Variants in SH3KBP1 observed in about 807,000 individuals in gnomAD.
SH3KBP1 encodes SH3 domain-containing kinase-binding protein 1.
A neutral mutation model predicts 50.1 loss-of-function variants in SH3KBP1; 8 were observed. The observed-to-expected ratio is 0.16, with a 90% CI of 0.09 to 0.29. SH3KBP1 has a LOEUF of 0.29. Ranked by LOEUF, SH3KBP1 falls within the 10% of genes least tolerant of loss-of-function variation. The pLI, the probability that SH3KBP1 is intolerant of heterozygous loss-of-function variation, is 1.00. For synonymous variants in SH3KBP1, 227 were observed against 218.6 expected (o/e 1.04, Z -0.34); for missense variants, 377 against 535.2 (o/e 0.70, Z 2.92).
At chrX:19,781,515 G>A (rs951971614) in intron 2 of SH3KBP1, among the ~76,000 whole-genome samples, 17 of 109,058 alleles carry the variant, frequency 1.6e-4, no homozygotes, top group African/African-American at 5.7e-4. Flanking sequence ...CTGCTCAGAA[G>A]GCTGAGGTGG....
chrX:19,876,747 T>G (rs1379063647), intron 1 of SH3KBP1, among the ~76,000 whole-genome samples: 1 of 111,699 alleles, frequency 9.0e-6, no homozygotes, highest in Non-Finnish European at 1.9e-5. Flanking sequence ...AGGACAGAGA[T>G]GGGAGGGAGA....
At chrX:19,643,686 C>G (rs1374923954) in intron 7 of SH3KBP1, among the ~76,000 whole-genome samples, 1 of 111,706 alleles carries the variant, frequency 9.0e-6, no homozygotes, top group Non-Finnish European at 1.9e-5. Context: ...ACACCTTTCT[C>G]ATATTCCTAC....
In SH3KBP1 at chrX:19,883,036, C is replaced by T. The variant is rs180889909; in HGVS notation, c.4+4271G>A. Among the ~76,000 whole-genome samples, 29 of 112,245 alleles carry T rather than the reference C, an allele frequency of 2.6e-4. No homozygotes were observed. In the East Asian group the frequency reaches 5.1e-3, roughly 20 times the overall value. ...TTATAATAGTCTTATGAACAGAGTGCCTTGTGTACCCCAGTGAACCACGAG... is the reference window on the plus strand; with the variant it reads ...TTATAATAGTCTTATGAACAGAGTGTCTTGTGTACCCCAGTGAACCACGAG... On this transcript the variant is annotated intron_variant, in intron 1 of 17. Transcript: ENST00000397821.
intron 1 of SH3KBP1, among the ~76,000 whole-genome samples, chrX:19,866,053 A>G (rs2068898533): frequency 8.9e-6 from 1 of 112,080 alleles, no homozygotes; most frequent in African/African-American, 3.2e-5. Flanking sequence ...CAAGAGGAAA[A>G]AAGAAGAAAA....
chrX:19,741,314 G>C (rs886492665), intron 3 of SH3KBP1, among the ~76,000 whole-genome samples: 1 of 111,929 alleles, frequency 8.9e-6, no homozygotes, highest in Admixed American at 9.4e-5. Flanking sequence ...ATCAGAGCTA[G>C]ACCTGTTACA....
intron 1 of SH3KBP1, among the ~76,000 whole-genome samples, chrX:19,843,402 T>C (rs947761303): frequency 9.0e-6 from 1 of 110,573 alleles, no homozygotes; most frequent in African/African-American, 3.3e-5. Context: ...TGCCCTCCCA[T>C]TAGTGTCAGG....
intron 8 of SH3KBP1, among the ~76,000 whole-genome samples, chrX:19,627,942 T>A (rs978650472): frequency 1.8e-5 from 2 of 112,554 alleles, no homozygotes; most frequent in Admixed American, 9.4e-5. Flanking sequence ...AATATGCGTA[T>A]CAGAATGCAT....
intron 1 of SH3KBP1, among the ~76,000 whole-genome samples, chrX:19,856,951 C>CTTTTG (rs2068660703): frequency 5.0e-5 from 1 of 20,040 alleles, no homozygotes; most frequent in Non-Finnish European, 1.0e-4. Flanking sequence ...TAATACTAGT[C>CTTTTG]TTTTTTTTTT....
chrX:19,542,935 C>A (rs1402234925), intron 15 of SH3KBP1, among the ~76,000 whole-genome samples: 1 of 112,002 alleles, frequency 8.9e-6, no homozygotes, highest in African/African-American at 3.2e-5. Flanking sequence ...GAGGACCATG[C>A]TGGCTGCAGA....
At chrX:19,764,899 C>A (rs138577364) in intron 2 of SH3KBP1, among the ~76,000 whole-genome samples, 3 of 106,778 alleles carry the variant, frequency 2.8e-5, no homozygotes, top group African/African-American at 1.0e-4. Flanking sequence ...ACCTCTGCCT[C>A]CCGGGTTCAA....
chrX:19,643,294 T>G (rs1052589998), intron 7 of SH3KBP1, among the ~76,000 whole-genome samples: 10 of 101,931 alleles, frequency 9.8e-5, no homozygotes, highest in African/African-American at 3.8e-4. Context: ...GGGCTGAAAC[T>G]GAAGAATTTT....
At chrX:19,548,269 C>T (rs1303455815) in intron 14 of SH3KBP1, among the ~76,000 whole-genome samples, 1 of 112,248 alleles carries the variant, frequency 8.9e-6, no homozygotes, top group African/African-American at 3.2e-5. Context: ...GTAATTTAAA[C>T]CTTTCTGTAA....
At chrX:19,569,323 G>A in intron 12 of SH3KBP1, 135 bp from the exon 13 acceptor site, 3 of 549,602 alleles carry the variant, frequency 5.5e-6, no homozygotes, top group Non-Finnish European at 9.4e-6. Context: ...GGGAGCCAGA[G>A]AACCAACGAG....
intron 3 of SH3KBP1, among the ~76,000 whole-genome samples, chrX:19,711,934 G>A (rs2148691227): frequency 9.0e-6 from 1 of 111,339 alleles, no homozygotes; most frequent in Non-Finnish European, 1.9e-5. Context: ...TGGGGCCAGG[G>A]ACCTGCATTT....
intron 3 of SH3KBP1, among the ~76,000 whole-genome samples, 195 bp downstream of exon 3, chrX:19,746,123 T>C (rs1269946554): frequency 8.8e-6 from 1 of 113,108 alleles, no homozygotes; most frequent in Non-Finnish European, 1.9e-5. Context: ...AATATTTTTA[T>C]TAGTTCCCTT....
At chrX:19,611,248 G>T (rs890637968) in intron 8 of SH3KBP1, among the ~76,000 whole-genome samples, 17 of 111,690 alleles carry the variant, frequency 1.5e-4, no homozygotes, top group Non-Finnish European at 5.6e-5. Flanking sequence ...AATAACCCAA[G>T]AACCTTTTTT....
At chrX:19,799,746 G>A (rs377421563) in intron 2 of SH3KBP1, 13 of 1,195,756 alleles carry the variant, frequency 1.1e-5, no homozygotes, top group Non-Finnish European at 1.3e-5. Flanking sequence ...AATAAGTTCC[G>A]TGCTCTCCGA....
chrX:19,717,507 G>A (rs1019225396), intron 3 of SH3KBP1, among the ~76,000 whole-genome samples: 3 of 111,986 alleles, frequency 2.7e-5, no homozygotes, highest in African/African-American at 9.8e-5. Flanking sequence ...GGTCAAGGCT[G>A]CAGTGAGCCA....
intron 11 of SH3KBP1, among the ~76,000 whole-genome samples, chrX:19,589,165 C>T (rs925703943): frequency 8.0e-5 from 9 of 112,828 alleles, no homozygotes; most frequent in African/African-American, 2.6e-4. Flanking sequence ...CTGAGCATTA[C>T]AGGGCAGCGC....
Sources: gnomAD v4.1 joint callset for allele counts (sites outside exome capture counted in the v4.1 genomes callset) on GRCh38, gnomAD v4.1.1 for gene constraint, MANE v1.5 for transcripts, NCBI Gene and HGNC (gene_info 2026-07-23, HGNC 2026-07-21) for gene names.